The following ANKAR variants were observed in gnomAD, a reference collection of about 807,000 sequenced individuals.
The protein encoded by ANKAR is ankyrin and armadillo repeat containing, also known as ankyrin and armadillo repeat-containing protein.
Under a neutral mutation model 146.2 loss-of-function variants are expected in ANKAR, and 136 were observed. The ratio of observed to expected loss-of-function variants is 0.93; its 90% CI spans 0.81 to 1.07. The LOEUF is 1.07. Ranked by LOEUF, ANKAR falls within the 50% of genes least tolerant of loss-of-function variation. ANKAR has a pLI of 0.00. For synonymous variants in ANKAR, 500 were observed against 575.8 expected (o/e 0.87, Z 1.88); for missense variants, 1,567 against 1,679.9 (o/e 0.93, Z 1.18).
intron 21 of ANKAR, among the ~76,000 whole-genome samples, chr2:189,744,126 C>G (rs1408106187): frequency 6.6e-6 from 1 of 152,124 alleles, no homozygotes; most frequent in Non-Finnish European, 1.5e-5. Context: ...TACGTTAACT[C>G]TATGATAACG....
At chr2:189,708,874 C>T (rs944473691) in intron 9 of ANKAR, among the ~76,000 whole-genome samples, 9 of 152,184 alleles carry the variant, frequency 5.9e-5, no homozygotes, top group South Asian at 2.1e-4. Context: ...TAGGCCAAGG[C>T]GGGCAGATCA....
At chr2:189,730,397 C>A in intron 15 of ANKAR, 98 bp from the exon 16 acceptor site, 1 of 595,644 alleles carries the variant, frequency 1.7e-6, no homozygotes, top group Non-Finnish European at 2.9e-6. Flanking sequence ...ACTGTATTAC[C>A]TTAGAATGCT....
intron 18 of ANKAR, chr2:189,755,084 T>C: frequency 6.9e-7 from 1 of 1,452,028 alleles, no homozygotes; most frequent in Non-Finnish European, 9.3e-7. Context: ...TTCAGAAATA[T>C]TTAGGTGAAT....
At chr2:189,709,123 T>A (rs1411057141) in intron 9 of ANKAR, among the ~76,000 whole-genome samples, 2 of 151,126 alleles carry the variant, frequency 1.3e-5, no homozygotes, top group Non-Finnish European at 2.9e-5. Flanking sequence ...AATAAATAAA[T>A]AAGGAAATTA....
At chr2:189,711,661 T>C (rs1184686097) in intron 10 of ANKAR, among the ~76,000 whole-genome samples, 3 of 152,200 alleles carry the variant, frequency 2.0e-5, no homozygotes, top group Non-Finnish European at 4.4e-5. Flanking sequence ...AGCTCCGGTC[T>C]GCAGCTCCCA....
intron 12 of ANKAR, among the ~76,000 whole-genome samples, chr2:189,722,706 A>G (rs1379484073): frequency 6.6e-6 from 1 of 151,850 alleles, no homozygotes; most frequent in Non-Finnish European, 1.5e-5. Flanking sequence ...CATGGTGAAA[A>G]CCTGTCTCTA....
rs1236584945 is a variant in ANKAR at position 189,755,394 on chromosome 2, A to G, written c.*585-5704A>G. 2 of 1,612,794 alleles carry G rather than the reference A, an allele frequency of 1.2e-6. No homozygotes were observed. Among genetic ancestry groups the G allele is most frequent in the Non-Finnish European group, 8.5e-7 (1 of 1,179,588 alleles). On this transcript the variant is annotated intron_variant and NMD_transcript_variant, in intron 18 of 18. Transcript: ENST00000441800. ...AACTGTCCTACCAGCTGTAAGCTAA[A>G]TGATAAGCCCACTCCCAGGCTTAAA...
At chr2:189,763,029 A>G, downstream of ANKAR, 1 of 985,380 alleles carries the variant, frequency 1.0e-6, no homozygotes, top group Non-Finnish European at 1.2e-6. Flanking sequence ...TCCAAACACT[A>G]AGCTACATTA....
At chr2:189,762,705 G>GCTAGCA, downstream of ANKAR, 1 of 985,396 alleles carries the variant, frequency 1.0e-6, no homozygotes, top group Non-Finnish European at 1.2e-6. Flanking sequence ...GGCGGCAGTA[G>GCTAGCA]CTAGCACTTG....
At chr2:189,704,699 A>C (rs1331343908) in intron 7 of ANKAR, among the ~76,000 whole-genome samples, 6 of 148,340 alleles carry the variant, frequency 4.0e-5, no homozygotes, top group African/African-American at 1.5e-4. Context: ...CATTGACTTA[A>C]ATTTTCAAAT....
downstream of ANKAR, chr2:189,761,590 C>A: frequency 2.5e-6 from 4 of 1,609,268 alleles, no homozygotes; most frequent in Non-Finnish European, 3.4e-6. Context: ...CATAAACTTT[C>A]CTTTTTGATG....
At chr2:189,681,180 A>G (rs568083178) in intron 2 of ANKAR, among the ~76,000 whole-genome samples, 1 of 152,362 alleles carries the variant, frequency 6.6e-6, no homozygotes, top group South Asian at 2.1e-4. Context: ...AACTTTCAGT[A>G]TAGAAGTCAA....
chr2:189,704,793 T>C (rs1034870243), intron 7 of ANKAR, among the ~76,000 whole-genome samples: 1 of 151,550 alleles, frequency 6.6e-6, no homozygotes, highest in African/African-American at 2.4e-5. Context: ...AATATGGATT[T>C]TTAAAAATTT....
chr2:189,690,526 G>T (rs1183201997), intron 3 of ANKAR, among the ~76,000 whole-genome samples: 2 of 152,144 alleles, frequency 1.3e-5, no homozygotes, highest in East Asian at 1.9e-4. Context: ...AATTTGATGG[G>T]ACTTCAGTAT....
Position 189,733,236 on chromosome 2 carries a change from C to T in ANKAR, c.3423+7C>T. On this transcript the variant is annotated splice_region_variant and intron_variant, in intron 17 of 22. Transcript: ENST00000684021. The stretch of plus-strand genomic sequence containing the variant: ...TCTTCACTCAACAGAAAAGGTAATA[C>T]CTTTACAAAATATTGAGGTTCATTT... The T allele has an allele frequency of 6.3e-7, 1 of 1,576,726 alleles. No homozygotes were observed.
At chr2:189,711,901 CT>C (rs909663393) in intron 10 of ANKAR, among the ~76,000 whole-genome samples, 1 of 152,222 alleles carries the variant, frequency 6.6e-6, no homozygotes, top group Non-Finnish European at 1.5e-5. Flanking sequence ...AAACACTGTG[CT>C]TTTCCAATGA....
Position 189,759,291 on chromosome 2 carries a change from C to G in ANKAR, c.*585-1807C>G, listed in dbSNP as rs74381898. On this transcript the variant is annotated intron_variant and NMD_transcript_variant, in intron 18 of 18. Coordinates refer to the ANKAR transcript ENST00000441800. ...TGAGACAGACTCTCACTCTGTCGCC[C>G]GGGCTGGAGTCCAATGGCGCGATCT... Among the ~76,000 whole-genome samples, 387 of 152,100 alleles carry G rather than the reference C, an allele frequency of 2.5e-3. 1 individual carries two copies. The highest frequency in any genetic ancestry group is 0.024 in the South Asian group (114 of 4,808).
intron 21 of ANKAR, among the ~76,000 whole-genome samples, chr2:189,744,468 C>T (rs551588408): frequency 6.6e-6 from 1 of 152,302 alleles, no homozygotes; most frequent in South Asian, 2.1e-4. Flanking sequence ...CTATCTTCTT[C>T]AAAACCCAGC....
intron 2 of ANKAR, among the ~76,000 whole-genome samples, chr2:189,681,536 G>A (rs1475816644): frequency 6.6e-6 from 1 of 152,198 alleles, no homozygotes; most frequent in Non-Finnish European, 1.5e-5. Context: ...GAAACAGAGA[G>A]CACCAAAGGA....
Sources: allele counts gnomAD v4.1 joint callset (sites outside exome capture counted in the v4.1 genomes callset), GRCh38; gene constraint gnomAD v4.1.1; transcripts MANE v1.5; gene names NCBI Gene and HGNC (gene_info 2026-07-23, HGNC 2026-07-21).